TNR: variants seen among roughly 807,000 people sequenced by gnomAD.
The protein encoded by TNR is tenascin-R.
In TNR, 45 loss-of-function variants were observed where a neutral mutation model predicts 150.4. That is an observed-to-expected ratio of 0.30 (90% CI 0.24 to 0.38). TNR has a LOEUF of 0.38. Among genes scored for constraint, TNR ranks in the 10% least tolerant of loss-of-function variants. TNR has a pLI of 1.00. For synonymous variants in TNR, 687 were observed against 678.4 expected, an observed-to-expected ratio of 1.01 and a Z score of -0.20; for missense variants, 1,544 against 1,759.1, an observed-to-expected ratio of 0.88 and a Z score of 2.19.
intron 18 of TNR, among the ~76,000 whole-genome samples, chr1:175,351,662 C>A (rs1320100773): frequency 1.3e-5 from 2 of 152,228 alleles, no homozygotes; most frequent in African/African-American, 4.8e-5. Context: ...TTTCATTCTG[C>A]AACCAGTCAT....
chr1:175,669,407 T>C (rs979205254), intron 1 of TNR, among the ~76,000 whole-genome samples: 1 of 152,128 alleles, frequency 6.6e-6, no homozygotes, highest in Non-Finnish European at 1.5e-5. Context: ...GCATACATAC[T>C]CCATTACCCA....
At chr1:175,573,325 C>T (rs189507178) in intron 1 of TNR, among the ~76,000 whole-genome samples, 17 of 152,332 alleles carry the variant, frequency 1.1e-4, no homozygotes, top group African/African-American at 2.2e-4. Flanking sequence ...CAGAGCCCTG[C>T]GGCTTTTCCA....
At chr1:175,645,738 T>G (rs1200533874) in intron 1 of TNR, among the ~76,000 whole-genome samples, 1 of 152,200 alleles carries the variant, frequency 6.6e-6, no homozygotes, top group Non-Finnish European at 1.5e-5. Flanking sequence ...GGGAGAGAAT[T>G]TAATTAACTT....
chr1:175,569,338 C>T (rs1661770157), intron 1 of TNR, among the ~76,000 whole-genome samples: 1 of 152,178 alleles, frequency 6.6e-6, no homozygotes, highest in South Asian at 2.1e-4. Flanking sequence ...AGGGCTGTCC[C>T]ATGCATGAAT....
chr1:175,627,480 C>T (rs536844795), intron 1 of TNR, among the ~76,000 whole-genome samples: 29 of 152,264 alleles, frequency 1.9e-4, no homozygotes, highest in African/African-American at 5.5e-4. Flanking sequence ...TTCAGAAAGA[C>T]GGAGTTCAAA....
intron 21 of TNR, among the ~76,000 whole-genome samples, chr1:175,329,570 G>A (rs1444191214): frequency 1.3e-5 from 2 of 152,202 alleles, no homozygotes; most frequent in African/African-American, 4.8e-5. Context: ...GGACAGGGTG[G>A]GGTGTTAGGG....
intron 1 of TNR, among the ~76,000 whole-genome samples, chr1:175,542,992 C>A (rs1447557073): frequency 6.6e-6 from 1 of 152,188 alleles, no homozygotes; most frequent in East Asian, 1.9e-4. Context: ...GAGACACAAC[C>A]ATGCAGTCAC....
At chr1:175,642,582 G>A (rs2101882298) in intron 1 of TNR, among the ~76,000 whole-genome samples, 1 of 152,294 alleles carries the variant, frequency 6.6e-6, no homozygotes, top group African/African-American at 2.4e-5. Context: ...TGCAAGGATT[G>A]CGGGGAGAGT....
At chr1:175,731,338 T>C (rs2101953867) in intron 1 of TNR, among the ~76,000 whole-genome samples, 1 of 152,350 alleles carries the variant, frequency 6.6e-6, no homozygotes, top group South Asian at 2.1e-4. Context: ...TGAAACTCTA[T>C]AGTAATTCTA....
At chr1:175,680,834 A>G (rs1207309104) in intron 1 of TNR, among the ~76,000 whole-genome samples, 2 of 152,222 alleles carry the variant, frequency 1.3e-5, no homozygotes, top group Non-Finnish European at 2.9e-5. Flanking sequence ...TTGCCATGGT[A>G]TAAAGAAGTC....
At chr1:175,563,424 C>T (rs548562012) in intron 1 of TNR, among the ~76,000 whole-genome samples, 7 of 152,304 alleles carry the variant, frequency 4.6e-5, no homozygotes, top group African/African-American at 1.2e-4. Context: ...CCTTAGCTAA[C>T]GGTTTGCCTA....
At chr1:175,499,090 T>C (rs987650862) in intron 2 of TNR, among the ~76,000 whole-genome samples, 1 of 152,234 alleles carries the variant, frequency 6.6e-6, no homozygotes, top group Non-Finnish European at 1.5e-5. Flanking sequence ...TCCTTCAAGG[T>C]TGATACTGTG....
At chr1:175,396,096 G>C (rs55690113) in intron 5 of TNR, among the ~76,000 whole-genome samples, 6,219 of 152,316 alleles carry the variant, frequency 0.041, 251 homozygotes, top group Admixed American at 0.096. Flanking sequence ...GTTGTCAGCT[G>C]TGGTTTTAAA....
chr1:175,331,025 C>CT (rs1268272873), intron 20 of TNR, among the ~76,000 whole-genome samples: 1 of 66,736 alleles, frequency 1.5e-5, no homozygotes, highest in Non-Finnish European at 3.2e-5. Flanking sequence ...TTCTTTCTTT[C>CT]TTTCTTTCTT....
At chr1:175,444,357 T>C (rs1405919336) in intron 2 of TNR, among the ~76,000 whole-genome samples, 6 of 152,104 alleles carry the variant, frequency 3.9e-5, no homozygotes, top group Admixed American at 2.6e-4. Context: ...TTAAATGGTC[T>C]AAGGATTTGG....
At chr1:175,454,178 C>T (rs1006493523) in intron 2 of TNR, among the ~76,000 whole-genome samples, 1 of 152,172 alleles carries the variant, frequency 6.6e-6, no homozygotes, top group African/African-American at 2.4e-5. Flanking sequence ...TCCAAAACAT[C>T]TCCCATGCTC....
intron 1 of TNR, among the ~76,000 whole-genome samples, chr1:175,652,669 A>G (rs902232004): frequency 8.5e-5 from 13 of 152,146 alleles, no homozygotes; most frequent in African/African-American, 3.1e-4. Context: ...CTGCTCTGCC[A>G]TGGTAAGACG....
chr1:175,372,329 A>G (rs1652145322), intron 9 of TNR, among the ~76,000 whole-genome samples: 1 of 152,252 alleles, frequency 6.6e-6, no homozygotes, highest in African/African-American at 2.4e-5. Context: ...AGAGGCTGCT[A>G]ACTAAGAGGA....
intron 1 of TNR, among the ~76,000 whole-genome samples, chr1:175,542,268 C>T (rs1279213382): frequency 1.3e-5 from 2 of 152,210 alleles, no homozygotes; most frequent in Non-Finnish European, 2.9e-5. Flanking sequence ...CCCCTCCTCT[C>T]TGGTATTTTA....
Sources: gnomAD v4.1 joint callset for allele counts (sites outside exome capture counted in the v4.1 genomes callset) on GRCh38, gnomAD v4.1.1 for gene constraint, MANE v1.5 for transcripts, NCBI Gene and HGNC (gene_info 2026-07-23, HGNC 2026-07-21) for gene names.